Variants in ATE1 observed in about 807,000 individuals in gnomAD.
ATE1 encodes the protein arginyl-tRNA--protein transferase 1.
ATE1 carries 36 observed loss-of-function variants against 70.5 expected under a neutral mutation model. The ratio of observed to expected loss-of-function variants is 0.51; its 90% CI spans 0.39 to 0.67. The LOEUF (loss-of-function observed/expected upper bound fraction) is 0.67. ATE1 is among the 30% of genes least tolerant of loss of function. ATE1 has a pLI of 0.00. For synonymous variants in ATE1, 232 were observed against 219.3 expected (o/e 1.06, Z -0.51); for missense variants, 593 against 629.5 (o/e 0.94, Z 0.62).
chr10:121,791,770 CTATTT>C (rs1946463054), intron 10 of ATE1, among the ~76,000 whole-genome samples: 1 of 152,148 alleles, frequency 6.6e-6, no homozygotes, highest in African/African-American at 2.4e-5. Flanking sequence ...ATGTTCTAGT[CTATTT>C]TATTTCATTT....
At chr10:121,859,522 C>T (rs980751566) in intron 8 of ATE1, among the ~76,000 whole-genome samples, 36 of 152,200 alleles carry the variant, frequency 2.4e-4, no homozygotes, top group African/African-American at 8.4e-4. Flanking sequence ...TCCCAAAGTG[C>T]TGGGATTACA....
At chr10:121,829,923 C>T (rs1948171354) in intron 10 of ATE1, among the ~76,000 whole-genome samples, 2 of 152,058 alleles carry the variant, frequency 1.3e-5, no homozygotes, top group African/African-American at 4.8e-5. Context: ...CTAAATTTAC[C>T]CCCACTCAAT....
chr10:121,872,165 T>C (rs933313731), intron 7 of ATE1, among the ~76,000 whole-genome samples: 1 of 124,324 alleles, frequency 8.0e-6, no homozygotes, highest in African/African-American at 3.2e-5. Flanking sequence ...TCAGTAGTAA[T>C]TGATGCATTA....
intron 3 of ATE1, among the ~76,000 whole-genome samples, chr10:121,916,983 A>C (rs146437629): frequency 0.04 from 6,015 of 151,762 alleles, 386 homozygotes; most frequent in African/African-American, 0.13. Flanking sequence ...GGCCAACATG[A>C]TGAAACCCCA....
rs866721800 is a variant in ATE1, at chr10:121,905,776, T to C, written c.584-3156A>G. Among the ~76,000 whole-genome samples, 5 of 151,560 alleles carry C rather than the reference T, an allele frequency of 3.3e-5. No homozygotes were observed. The South Asian group carries it at 8.3e-4, about 25-fold the overall frequency. On this transcript the variant is annotated intron_variant, in intron 5 of 11. Coordinates refer to ENST00000224652, the MANE Select transcript of ATE1 (RefSeq NM_001001976.3). ...AGGAGAATCGCTCAAACCCAGGAGG[T>C]AGACGCTGCAGCAAACCAAGATCAC...
intron 8 of ATE1, among the ~76,000 whole-genome samples, chr10:121,851,593 T>C (rs1949059457): frequency 6.6e-6 from 1 of 150,594 alleles, no homozygotes; most frequent in Admixed American, 6.6e-5. Context: ...TTGTTTTGTT[T>C]TTTGAGATGG....
chr10:121,861,750 A>AAT (rs1491345591), intron 8 of ATE1, among the ~76,000 whole-genome samples: 14 of 2,202 alleles, frequency 6.4e-3, no homozygotes, highest in African/African-American at 0.016. Context: ...AAAGTATAAT[A>AAT]AAAAAAAAAA....
chr10:121,870,754 GA>G (rs1427612994), intron 7 of ATE1, among the ~76,000 whole-genome samples: 1 of 152,082 alleles, frequency 6.6e-6, no homozygotes, highest in Non-Finnish European at 1.5e-5. Flanking sequence ...TATAGAGGGG[GA>G]TAGAAACAAA....
chr10:121,928,067 C>T, upstream of ATE1: 2 of 1,209,456 alleles, frequency 1.7e-6, no homozygotes, highest in Non-Finnish European at 2.1e-6. Flanking sequence ...CGAAGCCACT[C>T]GGGCGCCCGC....
At chr10:121,830,019 T>G (rs1564875724) in intron 10 of ATE1, among the ~76,000 whole-genome samples, 4 of 152,238 alleles carry the variant, frequency 2.6e-5, no homozygotes, top group Admixed American at 2.0e-4. Context: ...ACCTTCAATT[T>G]GCAATGAGGA....
At chr10:121,820,867 A>C (rs1008079909) in intron 10 of ATE1, among the ~76,000 whole-genome samples, 1 of 152,248 alleles carries the variant, frequency 6.6e-6, no homozygotes, top group Admixed American at 6.5e-5. Flanking sequence ...GTCTCACACC[A>C]TATACTAAAA....
At chr10:121,925,653 C>G (rs1015691628) in intron 1 of ATE1, among the ~76,000 whole-genome samples, 1 of 151,894 alleles carries the variant, frequency 6.6e-6, no homozygotes, top group Non-Finnish European at 1.5e-5. Context: ...CATGGAAGAT[C>G]ACTTGAGGTC....
chr10:121,791,064 G>GTATATA (rs1946426750), intron 10 of ATE1, among the ~76,000 whole-genome samples: 1 of 27,148 alleles, frequency 3.7e-5, no homozygotes, highest in Non-Finnish European at 8.6e-5. Flanking sequence ...ACGTGTGTGT[G>GTATATA]TGTGTGTGTG....
chr10:121,926,850 T>G (rs1333672649), intron 1 of ATE1: 5 of 985,310 alleles, frequency 5.1e-6, no homozygotes, highest in Non-Finnish European at 6.0e-6. Flanking sequence ...GGAAGCATTT[T>G]TCCATTTAGT....
In ATE1 at chr10:121,923,023, A is replaced by T. The variant is rs190119030; in HGVS notation, c.171-612T>A. Among the ~76,000 whole-genome samples the T allele has an allele frequency of 5.1e-4, 77 of 152,260 alleles. 1 individual carries two copies. The highest frequency in any genetic ancestry group is 2.6e-4 in the Non-Finnish European group (18 of 68,018). On this transcript the variant is annotated intron_variant, in intron 2 of 11. Transcript: ENST00000224652. ...CATTGCCACTAAGGTGACAGTCCTC[A>T]TCATCGCACATCTGGATAGCGCAAT...
At chr10:121,919,496 G>C (rs1951794124) in intron 3 of ATE1, among the ~76,000 whole-genome samples, 1 of 152,076 alleles carries the variant, frequency 6.6e-6, no homozygotes, top group Non-Finnish European at 1.5e-5. Flanking sequence ...GGGAGGCAGA[G>C]GTTGCAGTGA....
At chr10:121,743,890 T>C in intron 11 of ATE1, 32 bp from the exon 12 acceptor site, 1 of 1,542,636 alleles carries the variant, frequency 6.5e-7, no homozygotes, top group Non-Finnish European at 8.7e-7. Context: ...ATTTGTAAAA[T>C]GTCACATATC....
At chr10:121,816,002 T>C (rs899126170) in intron 10 of ATE1, among the ~76,000 whole-genome samples, 19 of 152,100 alleles carry the variant, frequency 1.2e-4, no homozygotes, top group African/African-American at 4.3e-4. Flanking sequence ...GGATACAAAA[T>C]TGATCCTATA....
intron 8 of ATE1, among the ~76,000 whole-genome samples, chr10:121,867,403 C>G (rs746775315): frequency 6.6e-6 from 1 of 152,138 alleles, no homozygotes; most frequent in Non-Finnish European, 1.5e-5. Context: ...TTGCCTTCTG[C>G]TAAAAACCCT....
Sources: gnomAD v4.1 joint callset for allele counts (sites outside exome capture counted in the v4.1 genomes callset) on GRCh38, gnomAD v4.1.1 for gene constraint, MANE v1.5 for transcripts, NCBI Gene and HGNC (gene_info 2026-07-23, HGNC 2026-07-21) for gene names.